Variants in GRIN2B observed in about 807,000 individuals in gnomAD.
The protein encoded by GRIN2B is glutamate receptor ionotropic, NMDA 2B.
A neutral mutation model predicts 114.5 loss-of-function variants in GRIN2B; 5 were observed. The ratio of observed to expected loss-of-function variants is 0.04; its 90% CI spans 0.02 to 0.09. The LOEUF is 0.09. Among genes scored for constraint, GRIN2B ranks in the 10% least tolerant of loss-of-function variants. The probability of loss-of-function intolerance (pLI) is 1.00; values close to 1 mark genes in which losing one functional copy is unlikely to be tolerated. For synonymous variants in GRIN2B, 787 were observed against 745.1 expected (o/e 1.06, Z -0.92); for missense variants, 1,108 against 1,943.5 (o/e 0.57, Z 8.08).
chr12:13,611,643 G>T, intron 9 of GRIN2B, 82 bp downstream of exon 9: 1 of 1,305,352 alleles, frequency 7.7e-7, no homozygotes, highest in Non-Finnish European at 1.1e-6. Flanking sequence ...TAGGGAAAAT[G>T]CAGATAACAA....
chr12:13,859,945 G>A (rs533828607), intron 3 of GRIN2B, among the ~76,000 whole-genome samples: 28 of 152,194 alleles, frequency 1.8e-4, no homozygotes, highest in Admixed American at 1.2e-3. Context: ...ATTCTGTCCC[G>A]AGGAATATTA....
At chr12:13,926,501 C>T (rs1374565835) in intron 2 of GRIN2B, among the ~76,000 whole-genome samples, 5 of 152,184 alleles carry the variant, frequency 3.3e-5, no homozygotes, top group African/African-American at 1.2e-4. Context: ...TACGATAACC[C>T]TCCTTCCCCA....
chr12:13,682,411 C>T (rs1017087378), intron 4 of GRIN2B, among the ~76,000 whole-genome samples: 30 of 152,114 alleles, frequency 2.0e-4, no homozygotes, highest in African/African-American at 7.2e-4. Flanking sequence ...AAAGAGCAGA[C>T]TGTAATATTA....
rs1225497237 is a variant in GRIN2B, at chr12:13,549,863, T to A, written c.*12920A>T. On this transcript the variant is annotated 3_prime_UTR_variant, in exon 14 of 14. Transcript: ENST00000609686. Reference sequence around the variant, plus strand: ...CTTGTCTCTGTAGATGTATGTGGAGTGTGTGTGTGTCTACAAAGGGAAATT... The same window carrying A: ...CTTGTCTCTGTAGATGTATGTGGAGAGTGTGTGTGTCTACAAAGGGAAATT... 6.6e-6 allele frequency: 1 copy of A among 152,034 alleles called. No homozygotes were observed. The highest frequency in any genetic ancestry group is 1.5e-5 in the Non-Finnish European group (1 of 67,996). The allele number at this position is 152,034 out of a possible 1,614,324, so 9.4% of individuals were successfully genotyped here. A position where few individuals can be genotyped will look rare whatever the true frequency, so the allele number is the denominator to read the frequency against.
chr12:13,651,819 TG>T (rs1949816134), intron 5 of GRIN2B, among the ~76,000 whole-genome samples: 1 of 152,090 alleles, frequency 6.6e-6, no homozygotes, highest in African/African-American at 2.4e-5. Context: ...TTCTCTGACT[TG>T]ATATTTGCGT....
At chr12:13,614,248 G>T (rs947064536) in intron 8 of GRIN2B, among the ~76,000 whole-genome samples, 1 of 152,108 alleles carries the variant, frequency 6.6e-6, no homozygotes, top group Non-Finnish European at 1.5e-5. Flanking sequence ...TATGGTTAGA[G>T]CTTAAAGAAA....
At chr12:13,604,194 T>G (rs1949206390) in intron 10 of GRIN2B, among the ~76,000 whole-genome samples, 1 of 152,154 alleles carries the variant, frequency 6.6e-6, no homozygotes, top group African/African-American at 2.4e-5. Flanking sequence ...GAACGTACAG[T>G]CGGGTTGCTG....
chr12:13,908,587 G>T (rs1301485988), intron 2 of GRIN2B, among the ~76,000 whole-genome samples: 1 of 152,150 alleles, frequency 6.6e-6, no homozygotes, highest in East Asian at 1.9e-4. Flanking sequence ...ACACCCGAAA[G>T]TTCTTCCTTA....
At chr12:13,821,728 G>A (rs1192127133) in intron 3 of GRIN2B, among the ~76,000 whole-genome samples, 1 of 152,176 alleles carries the variant, frequency 6.6e-6, no homozygotes, top group Non-Finnish European at 1.5e-5. Flanking sequence ...AGCCACATAT[G>A]ATTGACAAAG....
At chr12:13,576,879 T>C (rs554337627) in intron 10 of GRIN2B, among the ~76,000 whole-genome samples, 1 of 152,276 alleles carries the variant, frequency 6.6e-6, no homozygotes, top group South Asian at 2.1e-4. Context: ...TCACCTTTGG[T>C]CATAGAGCTT....
At chr12:13,811,829 T>A (rs1864736419) in intron 3 of GRIN2B, among the ~76,000 whole-genome samples, 1 of 152,174 alleles carries the variant, frequency 6.6e-6, no homozygotes, top group South Asian at 2.1e-4. Context: ...GGCACGGAGA[T>A]CTTCTTTTAA....
chr12:13,680,687 G>A (rs1591673053), intron 4 of GRIN2B, among the ~76,000 whole-genome samples: 1 of 152,066 alleles, frequency 6.6e-6, no homozygotes, highest in African/African-American at 2.4e-5. Context: ...AAGGTGACCT[G>A]CCTGTTCAGG....
intron 3 of GRIN2B, among the ~76,000 whole-genome samples, chr12:13,760,346 C>T (rs888933289): frequency 6.6e-6 from 1 of 152,176 alleles, no homozygotes; most frequent in African/African-American, 2.4e-5. Context: ...TAAATGGGGT[C>T]ATGGATGCTG....
At chr12:13,946,227 T>C (rs1327617288) in intron 2 of GRIN2B, among the ~76,000 whole-genome samples, 1 of 152,172 alleles carries the variant, frequency 6.6e-6, no homozygotes, top group Non-Finnish European at 1.5e-5. Flanking sequence ...TCATTCATCA[T>C]AATCTAAATA....
At chr12:13,585,247 G>A (rs993817806) in intron 10 of GRIN2B, among the ~76,000 whole-genome samples, 1 of 152,218 alleles carries the variant, frequency 6.6e-6, no homozygotes, top group African/African-American at 2.4e-5. Flanking sequence ...TGAAGCTGGG[G>A]TGGGGCGGAA....
At chr12:13,766,029 T>G (rs1863779029) in intron 3 of GRIN2B, among the ~76,000 whole-genome samples, 1 of 152,222 alleles carries the variant, frequency 6.6e-6, no homozygotes, top group Admixed American at 6.5e-5. Flanking sequence ...TTCAATCCCA[T>G]GCATCTATCC....
intron 5 of GRIN2B, among the ~76,000 whole-genome samples, chr12:13,667,481 T>C (rs1184850915): frequency 1.3e-5 from 2 of 152,118 alleles, no homozygotes; most frequent in Non-Finnish European, 2.9e-5. Context: ...TAAAAAGCAA[T>C]CTTATGGCAT....
intron 4 of GRIN2B, among the ~76,000 whole-genome samples, chr12:13,726,489 C>G (rs150265317): frequency 1.3e-5 from 2 of 150,790 alleles, no homozygotes; most frequent in Non-Finnish European, 2.9e-5. Flanking sequence ...GAGCCAAGAT[C>G]ATGCCACTGC....
At chr12:13,963,664 A>G (rs371179442) in intron 2 of GRIN2B, among the ~76,000 whole-genome samples, 46 of 152,300 alleles carry the variant, frequency 3.0e-4, no homozygotes, top group African/African-American at 9.4e-4. Flanking sequence ...ACTCGGTGGC[A>G]ATTCCAGGAT....
Sources: gnomAD v4.1 joint callset for allele counts (sites outside exome capture counted in the v4.1 genomes callset) on GRCh38, gnomAD v4.1.1 for gene constraint, MANE v1.5 for transcripts, NCBI Gene and HGNC (gene_info 2026-07-23, HGNC 2026-07-21) for gene names.